APBB2: variants seen among roughly 807,000 people sequenced by gnomAD.
APBB2 encodes Fe65-like 1.
Under a neutral mutation model 82.5 loss-of-function variants are expected in APBB2, and 38 were observed. The ratio of observed to expected loss-of-function variants is 0.46; its 90% CI spans 0.36 to 0.60. APBB2 has a LOEUF of 0.60. APBB2 is among the 20% of genes least tolerant of loss of function. The pLI, the probability that APBB2 is intolerant of heterozygous loss-of-function variation, is 0.00. For synonymous variants in APBB2, 341 were observed against 368.2 expected (o/e 0.93, Z 0.85); for missense variants, 772 against 972.3 (o/e 0.79, Z 2.74).
intron 2 of APBB2, among the ~76,000 whole-genome samples, chr4:41,138,464 G>A (rs1463014380): frequency 6.6e-6 from 1 of 152,060 alleles, no homozygotes; most frequent in Non-Finnish European, 1.5e-5. Flanking sequence ...AAGAAAATAT[G>A]TGCAAATCAT....
chr4:40,995,415 G>A (rs1234242847), intron 6 of APBB2, among the ~76,000 whole-genome samples: 1 of 151,946 alleles, frequency 6.6e-6, no homozygotes, highest in Non-Finnish European at 1.5e-5. Context: ...TTGCTCTGTT[G>A]CTCAGGCTGG....
intron 6 of APBB2, among the ~76,000 whole-genome samples, chr4:40,983,697 C>T (rs1449527826): frequency 1.3e-5 from 2 of 152,132 alleles, no homozygotes; most frequent in Non-Finnish European, 2.9e-5. Context: ...CCTGCCTCAG[C>T]CTCCTGGCTA....
intron 2 of APBB2, among the ~76,000 whole-genome samples, chr4:41,117,881 T>C (rs1751562143): frequency 6.6e-6 from 1 of 151,828 alleles, no homozygotes; most frequent in Non-Finnish European, 1.5e-5. Flanking sequence ...AAGTGGCAAA[T>C]GAAAAAGGAC....
chr4:41,207,801 C>T (rs1204912365), intron 1 of APBB2: 1 of 152,188 alleles, frequency 6.6e-6, no homozygotes, highest in African/African-American at 2.4e-5. Context: ...CAAGGGCAGG[C>T]CTCCCTGCAT....
At chr4:41,079,085 A>G (rs1213597436) in intron 3 of APBB2, among the ~76,000 whole-genome samples, 1 of 152,210 alleles carries the variant, frequency 6.6e-6, no homozygotes, top group Non-Finnish European at 1.5e-5. Flanking sequence ...CTGAAGTGAC[A>G]GAGTTGGTAC....
intron 12 of APBB2, among the ~76,000 whole-genome samples, chr4:40,875,920 T>C (rs556595780): frequency 1.6e-4 from 24 of 152,344 alleles, no homozygotes; most frequent in Admixed American, 1.3e-3. Context: ...GCTGCTGTTA[T>C]GATCTGTGTT....
chr4:40,894,540 GA>G (rs1020546140), intron 10 of APBB2, among the ~76,000 whole-genome samples: 2 of 151,986 alleles, frequency 1.3e-5, no homozygotes, highest in African/African-American at 4.8e-5. Flanking sequence ...GCAAAACAAG[GA>G]AAAAAAGTAT....
chr4:40,849,852 C>T (rs559821981), intron 12 of APBB2, among the ~76,000 whole-genome samples: 16 of 150,526 alleles, frequency 1.1e-4, no homozygotes, highest in East Asian at 3.9e-4. Context: ...CTCAGCCTCT[C>T]GAGTAGCTGA....
intron 10 of APBB2, among the ~76,000 whole-genome samples, chr4:40,921,351 G>A (rs1359504041): frequency 1.3e-5 from 2 of 152,148 alleles, no homozygotes; most frequent in East Asian, 3.8e-4. Context: ...TTAGGTTCTC[G>A]GAATCCCAGT....
At chr4:40,962,291 A>G (rs1793498496) in intron 6 of APBB2, among the ~76,000 whole-genome samples, 1 of 152,212 alleles carries the variant, frequency 6.6e-6, no homozygotes, top group Admixed American at 6.5e-5. Flanking sequence ...ATATTAGGTA[A>G]TTGAGCCAAA....
intron 4 of APBB2, among the ~76,000 whole-genome samples, chr4:41,060,328 T>C (rs955452437): frequency 6.6e-6 from 1 of 152,218 alleles, no homozygotes. Flanking sequence ...ACTTGTAATA[T>C]GCAAAGAATT....
At chr4:41,080,487 C>T (rs138667795) in intron 3 of APBB2, among the ~76,000 whole-genome samples, 30 of 152,128 alleles carry the variant, frequency 2.0e-4, no homozygotes, top group Non-Finnish European at 1.5e-5. Context: ...AAAGAAGTAA[C>T]CTTTTGTTAG....
intron 3 of APBB2, among the ~76,000 whole-genome samples, chr4:41,067,605 T>C (rs1477012582): frequency 1.3e-5 from 2 of 152,076 alleles, no homozygotes; most frequent in East Asian, 3.9e-4. Flanking sequence ...AGGAGAACAT[T>C]ACAGGATCAG....
rs901618136 is a variant in APBB2 at position 41,011,619 on chromosome 4, AG to A, written c.835+1963del. ...CTAATTTTTAATGTTTTAGTAGAGA[AG>A]GGGTTTCACCATGTTGCCCAGGCTG... is the stretch of plus-strand genomic sequence containing the variant. On this transcript the variant is annotated intron_variant, in intron 6 of 17. Transcript: ENST00000508593. Among the ~76,000 whole-genome samples, 9 of 151,454 alleles carry A rather than the reference AG, an allele frequency of 5.9e-5. No homozygotes were observed. In the East Asian group the frequency reaches 1.2e-3, roughly 20 times the overall value.
Position 41,065,588 on chromosome 4 carries a change from G to C in APBB2, c.-63C>G, listed in dbSNP as rs149412935. ...ATCCCATACATACATGAGCTGCCTG[G>C]ACAACAGTGAGCCCATAGCGACAGT... is the stretch of plus-strand genomic sequence containing the variant. On this transcript the variant is annotated 5_prime_UTR_variant, in exon 4 of 18. Transcript: ENST00000508593. The C allele has an allele frequency of 1.3e-5, 2 of 152,104 alleles. No individual in the cohort carries two copies. The highest frequency in any genetic ancestry group is 4.8e-5 in the African/African-American group (2 of 41,482). The allele number at this position is 152,104 out of a possible 1,614,324, so 9.4% of individuals were successfully genotyped here.
chr4:40,981,417 C>A (rs564127777), intron 6 of APBB2, among the ~76,000 whole-genome samples: 1 of 151,824 alleles, frequency 6.6e-6, no homozygotes, highest in African/African-American at 2.4e-5. Flanking sequence ...AGAATTAATT[C>A]GAATCCAGAA....
intron 1 of APBB2, chr4:41,193,596 A>T: frequency 1.6e-5 from 16 of 984,200 alleles, no homozygotes; most frequent in Non-Finnish European, 1.9e-5. Context: ...AGTGAGCTTA[A>T]CATGTTCCTT....
intron 6 of APBB2, among the ~76,000 whole-genome samples, chr4:40,982,274 GAAA>G (rs1798849087): frequency 3.4e-5 from 1 of 29,198 alleles, no homozygotes; most frequent in Non-Finnish European, 7.0e-5. Flanking sequence ...AAGAAAGAAA[GAAA>G]GAAAGAAGGA....
chr4:40,864,936 G>A (rs1256597355), intron 12 of APBB2, among the ~76,000 whole-genome samples: 1 of 148,672 alleles, frequency 6.7e-6, no homozygotes, highest in East Asian at 2.0e-4. Flanking sequence ...TTGGTTCACT[G>A]CAACCTCTGC....
Sources: allele counts gnomAD v4.1 joint callset (sites outside exome capture counted in the v4.1 genomes callset), GRCh38; gene constraint gnomAD v4.1.1; transcripts MANE v1.5; gene names NCBI Gene and HGNC (gene_info 2026-07-23, HGNC 2026-07-21).